The following ATG16L2 variants were observed in gnomAD, a reference collection of about 807,000 sequenced individuals.
The protein encoded by ATG16L2 is autophagy related 16 like 2, also known as protein Atg16l2.
Under a neutral mutation model 84.7 loss-of-function variants are expected in ATG16L2, and 77 were observed. The ratio of observed to expected loss-of-function variants is 0.91; its 90% CI spans 0.76 to 1.10. ATG16L2 has a LOEUF of 1.10. ATG16L2 is among the 50% of genes least tolerant of loss of function. The pLI, the probability that ATG16L2 is intolerant of heterozygous loss-of-function variation, is 0.00. For synonymous variants in ATG16L2, 361 were observed against 342.8 expected (o/e 1.05, Z -0.59); for missense variants, 782 against 817.6 (o/e 0.96, Z 0.53).
intron 17 of ATG16L2, 70 bp downstream of exon 17, chr11:72,829,054 A>T: frequency 6.6e-7 from 1 of 1,504,544 alleles, no homozygotes; most frequent in Admixed American, 1.7e-5. Context: ...GTTCTGACAT[A>T]CTGGGACCCT....
intron 5 of ATG16L2, chr11:72,841,086 T>A: frequency 1.4e-6 from 1 of 713,900 alleles, no homozygotes. Context: ...GAGGATTACT[T>A]GAGGCCAGAA....
In ATG16L2 at chr11:72,814,430, G is replaced by C; in HGVS notation, c.-16G>C. 4.8e-6 allele frequency: 7 copies of C among 1,454,430 alleles called. No individual in the cohort carries two copies. Among genetic ancestry groups the C allele is most frequent in the African/African-American group, 1.5e-5 (1 of 68,116 alleles). The allele number at this position is 1,454,430 out of a possible 1,614,324, so 90.1% of individuals were successfully genotyped here. On this transcript the variant is annotated 5_prime_UTR_variant, in exon 1 of 18. Transcript: ENST00000321297. Reference sequence around the variant, plus strand: ...CTGGGCGGGAGGAACGCGCCGCTAGGCGGGAGAGCGCGGCCATGGCGGGGC... The same window carrying C: ...CTGGGCGGGAGGAACGCGCCGCTAGCCGGGAGAGCGCGGCCATGGCGGGGC...
At chr11:72,836,444 T>C (rs1457706286) in intron 5 of ATG16L2, among the ~76,000 whole-genome samples, 4 of 152,202 alleles carry the variant, frequency 2.6e-5, no homozygotes, top group African/African-American at 9.6e-5. Flanking sequence ...GCTGCCTCTA[T>C]GCTATCTGCC....
Position 72,822,627 on chromosome 11 carries a change from C to T in ATG16L2, c.710+84C>T. The T allele has an allele frequency of 1.3e-6, 2 of 1,540,110 alleles. No homozygotes were observed. The highest frequency in any genetic ancestry group is 1.8e-6 in the Non-Finnish European group (2 of 1,134,012). On this transcript the variant is annotated intron_variant, in intron 6 of 17. Transcript: ENST00000321297. The surrounding 1 kb of genome is among the most constrained non-coding windows in gnomAD (Gnocchi z 4.2). Reference sequence around the variant, plus strand: ...GCGGCGACCCAGGCTGCCGACTGTACTTGTGCACAGCCCCGTCCTGAGGCC... The same window carrying T: ...GCGGCGACCCAGGCTGCCGACTGTATTTGTGCACAGCCCCGTCCTGAGGCC...
rs551946729 is a variant in ATG16L2, at chr11:72,822,634, A to C, written c.710+91A>C. On this transcript the variant is annotated intron_variant, in intron 6 of 17. Transcript: ENST00000321297. This position sits in a 1 kb window ranked among gnomAD's most constrained non-coding sequence, Gnocchi z 4.2. ...CCCAGGCTGCCGACTGTACTTGTGC[A>C]CAGCCCCGTCCTGAGGCCCCCATGT... The C allele has an allele frequency of 6.6e-7, 1 of 1,520,694 alleles. No individual in the cohort carries two copies. Among genetic ancestry groups the C allele is most frequent in the African/African-American group, 1.4e-5 (1 of 71,942 alleles). The allele number at this position is 1,520,694 out of a possible 1,614,324, so 94.2% of individuals were successfully genotyped here.
intron 9 of ATG16L2, 101 bp from the exon 10 acceptor site, chr11:72,825,201 C>A: frequency 1.1e-6 from 1 of 874,860 alleles, no homozygotes; most frequent in Non-Finnish European, 1.8e-6. Flanking sequence ...ACCACGTCTG[C>A]AGCAGGCTGT....
chr11:72,825,558 T>A, intron 10 of ATG16L2, 151 bp downstream of exon 10: 1 of 664,584 alleles, frequency 1.5e-6, no homozygotes, highest in Non-Finnish European at 2.6e-6. Flanking sequence ...TTGGAAAGAG[T>A]GAGACTCTGG....
chr11:72,826,134 A>T (rs1469055447), intron 10 of ATG16L2, 39 bp from the exon 11 acceptor site: 1 of 1,540,958 alleles, frequency 6.5e-7, no homozygotes, highest in Non-Finnish European at 8.9e-7. Flanking sequence ...TGTGAGGTTA[A>T]GACCTCATTT....
At chr11:72,817,466 AC>A (rs1420422012) in intron 2 of ATG16L2, among the ~76,000 whole-genome samples, 1 of 152,034 alleles carries the variant, frequency 6.6e-6, no homozygotes, top group African/African-American at 2.4e-5. Flanking sequence ...TGATCCTTCC[AC>A]CTCGGCCTCC....
At chr11:72,834,656 C>T (rs895126309) in intron 5 of ATG16L2, among the ~76,000 whole-genome samples, 4 of 151,348 alleles carry the variant, frequency 2.6e-5, no homozygotes, top group Non-Finnish European at 5.9e-5. Flanking sequence ...GATCTTGGCT[C>T]ACCGCAACCT....
At chr11:72,821,625 T>C (rs1466289370) in intron 3 of ATG16L2, 43 bp from the exon 4 acceptor site, 4 of 1,517,114 alleles carry the variant, frequency 2.6e-6, no homozygotes, top group African/African-American at 1.4e-5. Flanking sequence ...ACTGGAGGCC[T>C]GGAGGGGCCT....
chr11:72,817,870 G>T lies in ATG16L2; in HGVS notation c.318+15G>T. The T allele has an allele frequency of 2.5e-6, 4 of 1,602,626 alleles. No individual in the cohort carries two copies. The highest frequency in any genetic ancestry group is 2.5e-6 in the Non-Finnish European group (3 of 1,177,532). On this transcript the variant is annotated intron_variant, in intron 3 of 17. Coordinates refer to ENST00000321297, the MANE Select transcript of ATG16L2 (RefSeq NM_033388.2). ...TCTGTGGTGAGGTAAGTTGGGAAGG[G>T]GTCTGAAAATGGGGTAGAGAGATGT...
Position 72,826,258 on chromosome 11 carries a change from C to G in ATG16L2, c.1173+15C>G. 6.2e-7 allele frequency: 1 copy of G among 1,612,814 alleles called. No homozygotes were observed. The highest frequency in any genetic ancestry group is 8.5e-7 in the Non-Finnish European group (1 of 1,179,334). On this transcript the variant is annotated intron_variant, in intron 11 of 17. Transcript: ENST00000321297. ...TTGACCCCTCGGTGAGGAACTCTGC[C>G]CCAGTGGCATGGGATTGTGCCCTCT...
intron 5 of ATG16L2, chr11:72,840,757 C>T: frequency 1.4e-6 from 1 of 698,530 alleles, no homozygotes; most frequent in Non-Finnish European, 2.5e-6. Context: ...CTTCCCAAAC[C>T]CAGTTCATCC....
At chr11:72,824,184 GGTCTGT>G (rs768243020) in intron 8 of ATG16L2, 62 bp downstream of exon 8, 58 of 1,602,940 alleles carry the variant, frequency 3.6e-5, no homozygotes, top group Non-Finnish European at 4.8e-5. Context: ...GCCCAGGCTT[GGTCTGT>G]GTCTGTGCCT....
chr11:72,820,660 C>G (rs780130741), intron 3 of ATG16L2, among the ~76,000 whole-genome samples: 1 of 152,200 alleles, frequency 6.6e-6, no homozygotes, highest in Non-Finnish European at 1.5e-5. Flanking sequence ...CAGGTGGCAG[C>G]GCCAACCGTG....
At chr11:72,833,945 T>C (rs1860661784), downstream of ATG16L2, among the ~76,000 whole-genome samples, 1 of 150,944 alleles carries the variant, frequency 6.6e-6, no homozygotes, top group Non-Finnish European at 1.5e-5. Flanking sequence ...TTTTTTTTTT[T>C]CAGGAAAATA....
intron 5 of ATG16L2, chr11:72,838,658 C>A: frequency 1.4e-6 from 1 of 698,940 alleles, no homozygotes; most frequent in South Asian, 1.7e-5. Flanking sequence ...CCAGGCCACC[C>A]AGTCACACAT....
At chr11:72,826,881 G>C (rs1380268666) in intron 13 of ATG16L2, 58 bp downstream of exon 13, 9 of 1,588,216 alleles carry the variant, frequency 5.7e-6, no homozygotes, top group Non-Finnish European at 7.7e-6. Context: ...CCCAGGCCAG[G>C]GCACAAGGGA....
Sources: allele counts gnomAD v4.1 joint callset (sites outside exome capture counted in the v4.1 genomes callset), GRCh38; gene constraint gnomAD v4.1.1; non-coding constraint Gnocchi (gnomAD v3.1); transcripts MANE v1.5; gene names NCBI Gene and HGNC (gene_info 2026-07-23, HGNC 2026-07-21).